INTS6: variants seen among roughly 807,000 people sequenced by gnomAD.
The protein encoded by INTS6 is DEAD box protein.
INTS6 carries 16 observed loss-of-function variants against 104.9 expected under a neutral mutation model. The ratio of observed to expected loss-of-function variants is 0.15; its 90% confidence interval spans 0.10 to 0.23. The LOEUF is 0.23. INTS6 is among the 10% of genes least tolerant of loss of function. INTS6 has a pLI of 1.00. For missense variants in INTS6, 584 were observed against 1,062.8 expected (o/e 0.55, Z 6.26); for synonymous variants, 324 against 358.7 (o/e 0.90, Z 1.09).
chr13:51,374,102 CATT>C, intron 15 of INTS6, 103 bp downstream of exon 15: 4 of 808,848 alleles, frequency 4.9e-6, no homozygotes, highest in Non-Finnish European at 8.0e-6. Flanking sequence ...TTCATTCACT[CATT>C]GTACTACTAA....
chr13:51,351,654 T>C (rs976917768), downstream of INTS6, among the ~76,000 whole-genome samples: 6 of 149,584 alleles, frequency 4.0e-5, no homozygotes, highest in Non-Finnish European at 7.4e-5. Flanking sequence ...AATTAATCTA[T>C]GTTTTCTTTT....
intron 3 of INTS6, among the ~76,000 whole-genome samples, chr13:51,434,791 T>C (rs1053970095): frequency 6.6e-6 from 1 of 152,076 alleles, no homozygotes; most frequent in Non-Finnish European, 1.5e-5. Flanking sequence ...TCTTTCTCTG[T>C]CAACATTGTT....
intron 15 of INTS6, among the ~76,000 whole-genome samples, chr13:51,373,764 T>C (rs2137882510): frequency 6.6e-6 from 1 of 152,336 alleles, no homozygotes; most frequent in Non-Finnish European, 1.5e-5. Context: ...ACATTCAACA[T>C]ACTTCCAATA....
At chr13:51,372,360 C>A (rs1005951273) in intron 15 of INTS6, among the ~76,000 whole-genome samples, 2 of 151,394 alleles carry the variant, frequency 1.3e-5, no homozygotes, top group African/African-American at 4.9e-5. Context: ...TTATCTTGCC[C>A]TTTAGCTTCC....
the INTS6 span, among the ~76,000 whole-genome samples, chr13:51,348,957 C>T: frequency 3.3e-5 from 5 of 150,458 alleles, no homozygotes; most frequent in African/African-American, 1.2e-4. Flanking sequence ...GTGAACTCTC[C>T]TTTAAGAAGA....
chr13:51,416,198 G>A (rs1175521102), intron 4 of INTS6, among the ~76,000 whole-genome samples: 1 of 152,130 alleles, frequency 6.6e-6, no homozygotes, highest in East Asian at 1.9e-4. Context: ...GTTGCAAAAG[G>A]AAATAGAGAA....
intron 4 of INTS6, among the ~76,000 whole-genome samples, chr13:51,429,783 AAAATAT>A (rs1957055188): frequency 8.1e-6 from 1 of 122,818 alleles, no homozygotes; most frequent in Admixed American, 8.1e-5. Flanking sequence ...AAAAAAAAAA[AAAATAT>A]ATATATATAT....
At chr13:51,355,022 T>C (rs1955458415) in intron 3 of INTS6, 5 of 1,216,268 alleles carry the variant, frequency 4.1e-6, no homozygotes, top group Non-Finnish European at 5.9e-6. Flanking sequence ...TGAAAGTTGA[T>C]GGTTTGTTTT....
rs1396568088 is a variant in INTS6, at chr13:51,396,049, C to T, written c.430-566G>A. 2.6e-5 allele frequency among the ~76,000 whole-genome samples: 4 copies of T among 152,010 alleles called. No homozygotes were observed. The South Asian group carries it at 6.2e-4, about 24-fold the overall frequency. On this transcript the variant is annotated intron_variant, in intron 4 of 17. Transcript: ENST00000311234. Reference sequence around the variant, plus strand: ...CCGATCTCAGGTGACCCACACGCCTCGGCCTCTCAAAGTGCTGGATTACAG... The same window carrying T: ...CCGATCTCAGGTGACCCACACGCCTTGGCCTCTCAAAGTGCTGGATTACAG...
downstream of INTS6, among the ~76,000 whole-genome samples, chr13:51,359,095 A>C (rs1221344455): frequency 6.6e-6 from 1 of 152,148 alleles, no homozygotes; most frequent in African/African-American, 2.4e-5. Flanking sequence ...AATGCCACCT[A>C]TAAACAATCT....
At chr13:51,405,949 T>C (rs570490145) in intron 4 of INTS6, among the ~76,000 whole-genome samples, 12 of 152,328 alleles carry the variant, frequency 7.9e-5, no homozygotes, top group African/African-American at 2.6e-4. Context: ...ATTAAATCCA[T>C]TGGAGATTTT....
intron 10 of INTS6, among the ~76,000 whole-genome samples, chr13:51,381,000 A>C (rs1956037879): frequency 6.6e-6 from 1 of 152,222 alleles, no homozygotes; most frequent in Non-Finnish European, 1.5e-5. Context: ...ACAGACTGAA[A>C]ACGTTAGGAA....
Position 51,452,274 on chromosome 13 carries a change from C to T in INTS6, c.111+141G>A. 1 of 923,614 alleles carries T rather than the reference C, an allele frequency of 1.1e-6. No homozygotes were observed. The highest frequency in any genetic ancestry group is 1.4e-6 in the Non-Finnish European group (1 of 728,816). The allele number at this position is 923,614 out of a possible 1,614,324, so 57.2% of individuals were successfully genotyped here. ...ACCCGGCTCGCAGCGCCCGCCCGCC[C>T]GCGCGGTGGGGGAGGGGGTCCCCGA... On this transcript the variant is annotated intron_variant, in intron 1 of 17. Transcript: ENST00000311234. This position sits in a 1 kb window ranked among gnomAD's most constrained non-coding sequence, Gnocchi z 4.2.
At chr13:51,370,912 A>T (rs1205849679) in intron 15 of INTS6, among the ~76,000 whole-genome samples, 1 of 151,734 alleles carries the variant, frequency 6.6e-6, no homozygotes. Flanking sequence ...CTAGCTCAGA[A>T]CTCCCAACCG....
intron 3 of INTS6, chr13:51,449,715 G>C (rs1295005123): frequency 4.1e-6 from 4 of 985,114 alleles, no homozygotes; most frequent in African/African-American, 1.7e-5. Flanking sequence ...ATATCACAAA[G>C]GAATATAAAA....
At chr13:51,387,282 T>A (rs189654094) in intron 7 of INTS6, 104 bp downstream of exon 7, 5 of 1,076,724 alleles carry the variant, frequency 4.6e-6, no homozygotes, top group Non-Finnish European at 6.6e-6. Flanking sequence ...TGAACATCTG[T>A]CTAATCCCCA....
At position 51,378,285 on chromosome 13, in the gene INTS6, A is replaced by G; in HGVS notation, c.1556T>C (p.Leu519Pro). ...GAACCCAGTGTATTCCTTCATATTA[A>G]GGTCTAGCAGTCTGTGAGGGACATC... is the stretch of plus-strand genomic sequence containing the variant. ...SEDVPHRLLD[L>P]NMKEYTGFQV... The change falls in exon 12 of 18, where the codon CTT (leucine) becomes CCT (proline). Residue 519 changes from leucine (L) to proline (P), a missense_variant. Coordinates refer to ENST00000311234, the MANE Select transcript of INTS6 (RefSeq NM_012141.3). The G allele has an allele frequency of 1.2e-6, 2 of 1,613,422 alleles. No homozygotes were observed. Among genetic ancestry groups the G allele is most frequent in the South Asian group, 2.2e-5 (2 of 91,064 alleles).
chr13:51,361,735 C>A lies in INTS6; in HGVS notation c.*4017G>T. On this transcript the variant is annotated 3_prime_UTR_variant, in exon 18 of 18. Coordinates refer to ENST00000311234, the MANE Select transcript of INTS6 (RefSeq NM_012141.3). ...ATGCTTTGATTTCTTAAAAAATTAA[C>A]TTACTTCATAACCAATAGTTATTTT... 1.5e-6 allele frequency: 2 copies of A among 1,313,294 alleles called. No homozygotes were observed. The highest frequency in any genetic ancestry group is 2.1e-6 in the Non-Finnish European group (2 of 966,460). 81.4% of individuals were successfully genotyped at this position (1,313,294 alleles called of 1,614,324 possible).
chr13:51,379,702 A>T, intron 10 of INTS6, 130 bp from the exon 11 acceptor site: 1 of 474,700 alleles, frequency 2.1e-6, no homozygotes, highest in Non-Finnish European at 3.7e-6. Flanking sequence ...AAGTAACACA[A>T]TCGTATTTAT....
Sources: gnomAD v4.1 joint callset for allele counts (sites outside exome capture counted in the v4.1 genomes callset) on GRCh38, gnomAD v4.1.1 for gene constraint, Gnocchi (gnomAD v3.1) non-coding constraint, MANE v1.5 for transcripts, NCBI Gene and HGNC (gene_info 2026-07-23, HGNC 2026-07-21) for gene names.